Variants in SCGB2B2 observed in about 807,000 individuals in gnomAD.
SCGB2B2 encodes the protein secretoglobin-like protein.
SCGB2B2 carries 11 observed loss-of-function variants against 7.6 expected under a neutral mutation model. The observed-to-expected ratio is 1.45, with a 90% CI of 0.91 to 2.40. The LOEUF (loss-of-function observed/expected upper bound fraction) is 2.40, where lower values mean the gene tolerates loss of function less well. Among genes scored for constraint, SCGB2B2 ranks in the 30% most tolerant of loss-of-function variants. The pLI is 0.00. For synonymous variants in SCGB2B2, 50 were observed against 48.6 expected (o/e 1.03, Z -0.12); for missense variants, 104 against 115.4 (o/e 0.90, Z 0.45).
intron 1 of SCGB2B2, among the ~76,000 whole-genome samples, chr19:34,607,227 C>CT (rs1211695052): frequency 6.6e-6 from 1 of 152,170 alleles, no homozygotes; most frequent in African/African-American, 2.4e-5. Context: ...GGATTTCTCT[C>CT]TTTTTTAAAA....
intron 1 of SCGB2B2, among the ~76,000 whole-genome samples, chr19:34,606,287 T>C (rs549436195): frequency 3.9e-5 from 6 of 152,208 alleles, no homozygotes; most frequent in African/African-American, 1.4e-4. Flanking sequence ...ATATCCATCA[T>C]AGATTTAAGA....
Position 34,593,565 on chromosome 19 carries a change from G to T in SCGB2B2, c.281C>A (p.Ala94Glu). Residue 94 changes from alanine to glutamate, a missense_variant, in exon 4 of 4, where the codon GCA becomes GAA. Coordinates refer to ENST00000601241, the MANE Select transcript of SCGB2B2 (RefSeq NM_001025591.4). ...KILQSNDCIEAAF is the reference protein window; with the variant it reads ...KILQSNDCIEEAF The stretch of plus-strand genomic sequence containing the variant: ...GCAGGGGTCCTCAGATCAGAAGGCT[G>T]CTTCTATGCAATCGTTGCTCTGAAG... 1 of 1,553,510 alleles carries T rather than the reference G, an allele frequency of 6.4e-7. No homozygotes were observed. The highest frequency in any genetic ancestry group is 8.7e-7 in the Non-Finnish European group (1 of 1,147,900).
chr19:34,603,461 G>T (rs1267231919), intron 1 of SCGB2B2, among the ~76,000 whole-genome samples: 1 of 152,150 alleles, frequency 6.6e-6, no homozygotes, highest in African/African-American at 2.4e-5. Context: ...TTCATTCAAT[G>T]TCCATACACC....
chr19:34,600,077 C>T (rs1200347709), intron 1 of SCGB2B2, among the ~76,000 whole-genome samples: 1 of 152,114 alleles, frequency 6.6e-6, no homozygotes, highest in Non-Finnish European at 1.5e-5. Flanking sequence ...TACATGTACA[C>T]AACGTGCAGG....
chr19:34,644,153 C>A (rs1022957002), intron 1 of SCGB2B2, among the ~76,000 whole-genome samples: 6 of 152,146 alleles, frequency 3.9e-5, no homozygotes, highest in African/African-American at 1.4e-4. Context: ...ATAACTAAAT[C>A]TTCCACTTCA....
intron 1 of SCGB2B2, among the ~76,000 whole-genome samples, chr19:34,649,367 C>G (rs955430337): frequency 2.1e-4 from 32 of 152,186 alleles, no homozygotes; most frequent in African/African-American, 7.2e-4. Context: ...AGATTTGAGG[C>G]TCTGGGTTCT....
At chr19:34,661,378 C>T (rs1386990126) in intron 1 of SCGB2B2, among the ~76,000 whole-genome samples, 4 of 151,894 alleles carry the variant, frequency 2.6e-5, no homozygotes, top group Non-Finnish European at 4.4e-5. Flanking sequence ...GCAACATGTA[C>T]CAGTGTTATG....
chr19:34,594,818 A>G lies in SCGB2B2; in HGVS notation c.-255T>C. ...AGTGGGAGGGGTTGGGTGTTGTGAC[A>G]TTCTCTCTGTCCTCCCTGGAGCTCC... is the stretch of plus-strand genomic sequence containing the variant. On this transcript the variant is annotated 5_prime_UTR_variant, in exon 2 of 4. It removes an upstream start codon present in the reference 5' UTR. Transcript: ENST00000601241. 1 of 528,834 alleles carries G rather than the reference A, an allele frequency of 1.9e-6. No homozygotes were observed. The highest frequency in any genetic ancestry group is 2.0e-5 in the South Asian group (1 of 48,926). The allele number at this position is 528,834 out of a possible 1,614,324, so 32.8% of individuals were successfully genotyped here. A position where few individuals can be genotyped will look rare whatever the true frequency, so the allele number is the denominator to read the frequency against.
At chr19:34,667,083 G>A (rs190539252) in intron 1 of SCGB2B2, among the ~76,000 whole-genome samples, 15 of 151,964 alleles carry the variant, frequency 9.9e-5, no homozygotes, top group African/African-American at 3.4e-4. Flanking sequence ...GGCCACCAGC[G>A]CCTCCTCACA....
chr19:34,666,666 T>A (rs1432510683), intron 1 of SCGB2B2, among the ~76,000 whole-genome samples: 1 of 152,148 alleles, frequency 6.6e-6, no homozygotes, highest in Non-Finnish European at 1.5e-5. Flanking sequence ...TCTCCCCAAA[T>A]GCCAGAGGGA....
intron 1 of SCGB2B2, among the ~76,000 whole-genome samples, chr19:34,626,549 G>T (rs2066383640): frequency 6.6e-6 from 1 of 152,074 alleles, no homozygotes; most frequent in South Asian, 2.1e-4. Flanking sequence ...GAGAAGAGAA[G>T]TTTAGAGAAA....
At chr19:34,643,245 G>C (rs1446405571) in intron 1 of SCGB2B2, among the ~76,000 whole-genome samples, 2 of 152,160 alleles carry the variant, frequency 1.3e-5, no homozygotes, top group African/African-American at 2.4e-5. Context: ...CTATAAAAAA[G>C]AGTGAAATCA....
chr19:34,639,702 T>C (rs180847156), intron 1 of SCGB2B2, among the ~76,000 whole-genome samples: 142 of 152,326 alleles, frequency 9.3e-4, no homozygotes, highest in African/African-American at 3.2e-3. Context: ...TTTCCAATGC[T>C]TGAGGACCTA....
At chr19:34,606,540 CACTT>C (rs1000563257) in intron 1 of SCGB2B2, among the ~76,000 whole-genome samples, 11 of 148,190 alleles carry the variant, frequency 7.4e-5, no homozygotes, top group African/African-American at 1.2e-4. Flanking sequence ...CTGGTGAGGA[CACTT>C]ACTTAAGATA....
chr19:34,652,037 T>C (rs911150060), intron 1 of SCGB2B2, among the ~76,000 whole-genome samples: 1 of 151,132 alleles, frequency 6.6e-6, no homozygotes. Context: ...GAATGGACAG[T>C]CTCTTCAGTC....
At chr19:34,586,635 TACTC>T (rs374281235), downstream of SCGB2B2, among the ~76,000 whole-genome samples, 420 of 152,360 alleles carry the variant, frequency 2.8e-3, 3 homozygotes, top group African/African-American at 9.5e-3. Flanking sequence ...CATACGGTGA[TACTC>T]ACTATTTTTG....
rs16969571 is a variant in SCGB2B2, at chr19:34,635,205, C to T, written c.-2031-38611G>A. On this transcript the variant is annotated intron_variant, in intron 1 of 3. Coordinates refer to ENST00000601241, the MANE Select transcript of SCGB2B2 (RefSeq NM_001025591.4). ...AAGGCCTGGCTCCACTGGGAACTCTCGGGTGTATAATCATGCTGGAATTCT... is the reference window on the plus strand; with the variant it reads ...AAGGCCTGGCTCCACTGGGAACTCTTGGGTGTATAATCATGCTGGAATTCT... The T allele has an allele frequency of 6.4e-3, 1,853 of 290,546 alleles. 32 individuals are homozygous for T. The highest frequency in any genetic ancestry group is 0.039 in the African/African-American group (1,737 of 44,368). The allele number at this position is 290,546 out of a possible 1,614,324, so 18.0% of individuals were successfully genotyped here.
At chr19:34,665,538 A>G (rs140510951) in intron 1 of SCGB2B2, among the ~76,000 whole-genome samples, 23 of 152,340 alleles carry the variant, frequency 1.5e-4, no homozygotes, top group Non-Finnish European at 2.6e-4. Flanking sequence ...CATGTCATGC[A>G]GGTGACCTCA....
intron 1 of SCGB2B2, among the ~76,000 whole-genome samples, chr19:34,599,679 C>T (rs927920672): frequency 2.0e-5 from 3 of 152,126 alleles, no homozygotes; most frequent in Non-Finnish European, 2.9e-5. Context: ...GGTGGGGACA[C>T]GGAGCCAAAC....
Sources: allele counts gnomAD v4.1 joint callset (sites outside exome capture counted in the v4.1 genomes callset), GRCh38; gene constraint gnomAD v4.1.1; transcripts MANE v1.5; gene names NCBI Gene and HGNC (gene_info 2026-07-23, HGNC 2026-07-21).